RYR3: variants seen among roughly 807,000 people sequenced by gnomAD.
RYR3 encodes brain ryanodine receptor-calcium release channel.
Under a neutral mutation model 584.3 loss-of-function variants are expected in RYR3, and 207 were observed. That is an observed-to-expected ratio of 0.35 (90% confidence interval 0.32 to 0.40). The LOEUF (loss-of-function observed/expected upper bound fraction) is 0.40, where lower values mean the gene tolerates loss of function less well. Among genes scored for constraint, RYR3 ranks in the 10% least tolerant of loss-of-function variants. The pLI, the probability that RYR3 is intolerant of heterozygous loss-of-function variation, is 1.00. For synonymous variants in RYR3, 2,416 were observed against 2,248.5 expected (o/e 1.07, Z -2.11); for missense variants, 5,616 against 6,089.2 (o/e 0.92, Z 2.59).
chr15:33,861,065 TTA>T lies in RYR3; in HGVS notation c.14365-11_14365-10del. 9 of 1,562,476 alleles carry T rather than the reference TTA, an allele frequency of 5.8e-6. No homozygotes were observed. Among genetic ancestry groups the T allele is most frequent in the Non-Finnish European group, 7.8e-6 (9 of 1,148,758 alleles). On this transcript the variant is annotated splice_polypyrimidine_tract_variant and intron_variant, in intron 101 of 103. Coordinates refer to ENST00000634891, the MANE Select transcript of RYR3 (RefSeq NM_001036.6). ...TGCCAACAAATGCCTTTTCTGCCTGTTATTTTTCTTAGACTAAATGTTTCATC... is the reference window on the plus strand; with the variant it reads ...TGCCAACAAATGCCTTTTCTGCCTGTTTTTTCTTAGACTAAATGTTTCATC...
intron 39 of RYR3, among the ~76,000 whole-genome samples, chr15:33,697,497 T>C (rs1189398751): frequency 3.3e-5 from 5 of 152,238 alleles, no homozygotes; most frequent in African/African-American, 9.6e-5. Context: ...AGCTTTACTC[T>C]GTGAATTTAT....
chr15:33,435,213 C>G (rs948597015), intron 1 of RYR3, among the ~76,000 whole-genome samples: 1 of 152,126 alleles, frequency 6.6e-6, no homozygotes, highest in Non-Finnish European at 1.5e-5. Context: ...TTTCATCACC[C>G]AGGTATTAAG....
chr15:33,357,862 C>T (rs1396401783), intron 1 of RYR3, among the ~76,000 whole-genome samples: 1 of 152,166 alleles, frequency 6.6e-6, no homozygotes, highest in African/African-American at 2.4e-5. Flanking sequence ...GGTTCTTTTA[C>T]ACGGAAGTAT....
intron 1 of RYR3, among the ~76,000 whole-genome samples, chr15:33,402,342 C>T (rs537601207): frequency 2.0e-5 from 3 of 152,238 alleles, no homozygotes; most frequent in East Asian, 1.9e-4. Flanking sequence ...ACAGCTGAAG[C>T]GGCATGGTTA....
intron 43 of RYR3, among the ~76,000 whole-genome samples, chr15:33,720,191 A>G (rs556945048): frequency 1.3e-5 from 2 of 152,358 alleles, no homozygotes; most frequent in Non-Finnish European, 2.9e-5. Flanking sequence ...GATTTTGCCC[A>G]CAGTGCAAAA....
intron 1 of RYR3, among the ~76,000 whole-genome samples, chr15:33,356,084 ATT>A (rs1199613916): frequency 3.3e-5 from 5 of 152,094 alleles, no homozygotes; most frequent in African/African-American, 1.2e-4. Flanking sequence ...GTGAGTATAG[ATT>A]TGTGAATCAT....
chr15:33,346,554 G>C (rs16969851), intron 1 of RYR3, among the ~76,000 whole-genome samples: 12,747 of 152,222 alleles, frequency 0.084, 656 homozygotes, highest in African/African-American at 0.13. Flanking sequence ...CAGAGAAATA[G>C]TTCAAATATT....
At chr15:33,405,427 C>A (rs565243437) in intron 1 of RYR3, among the ~76,000 whole-genome samples, 1 of 152,146 alleles carries the variant, frequency 6.6e-6, no homozygotes, top group Non-Finnish European at 1.5e-5. Flanking sequence ...CTGCTAGCAC[C>A]TGGGACTATG....
At chr15:33,785,362 T>C (rs1191481588) in intron 65 of RYR3, among the ~76,000 whole-genome samples, 2 of 152,202 alleles carry the variant, frequency 1.3e-5, no homozygotes, top group Non-Finnish European at 2.9e-5. Flanking sequence ...GAGACTGGCT[T>C]CATCGCAGGA....
chr15:33,551,936 G>A lies in RYR3; in HGVS notation c.972+1620G>A, dbSNP rs896418421. On this transcript the variant is annotated intron_variant, in intron 10 of 103. Transcript: ENST00000634891. ...CATGGAGTGGGAGCTGAAGGTGGGCGGCAGTAGAAGAGGGAGGTGGAAAAT... is the reference window on the plus strand; with the variant it reads ...CATGGAGTGGGAGCTGAAGGTGGGCAGCAGTAGAAGAGGGAGGTGGAAAAT... Among the ~76,000 whole-genome samples, 5 of 152,268 alleles carry A rather than the reference G, an allele frequency of 3.3e-5. 1 individual carries two copies. Among genetic ancestry groups the A allele is most frequent in the African/African-American group, 7.2e-5 (3 of 41,548 alleles).
At chr15:33,324,412 C>T (rs1032678015) in intron 1 of RYR3, among the ~76,000 whole-genome samples, 3 of 152,140 alleles carry the variant, frequency 2.0e-5, no homozygotes, top group African/African-American at 7.2e-5. Context: ...ACTAATGTCG[C>T]CATTTTTATC....
intron 48 of RYR3, among the ~76,000 whole-genome samples, chr15:33,733,092 A>C (rs4779639): frequency 0.4 from 60,479 of 152,152 alleles, 12,569 homozygotes; most frequent in Admixed American, 0.49. Flanking sequence ...AACACTGACA[A>C]CACCAAATGC....
At chr15:33,848,057 C>A (rs996323229) in intron 93 of RYR3, among the ~76,000 whole-genome samples, 2 of 152,156 alleles carry the variant, frequency 1.3e-5, no homozygotes, top group African/African-American at 2.4e-5. Flanking sequence ...TTAATATTAG[C>A]CATCTAACTG....
intron 10 of RYR3, 79 bp from the exon 11 acceptor site, chr15:33,562,758 A>T (rs955414971): frequency 1.3e-5 from 14 of 1,044,942 alleles, no homozygotes; most frequent in Non-Finnish European, 2.0e-5. Context: ...CAGGTTCTTC[A>T]TAGGTGATTC....
At chr15:33,705,236 CAAAAT>C (rs915706454) in intron 42 of RYR3, among the ~76,000 whole-genome samples, 47 of 152,014 alleles carry the variant, frequency 3.1e-4, no homozygotes, top group African/African-American at 1.0e-3. Flanking sequence ...ATTTTAAAGA[CAAAAT>C]CAAATCTGAA....
chr15:33,837,493 C>T, intron 88 of RYR3, 138 bp from the exon 89 acceptor site: 2 of 908,378 alleles, frequency 2.2e-6, no homozygotes, highest in Non-Finnish European at 3.2e-6. Flanking sequence ...TGGCTTGCTG[C>T]TCCCTCCTAC....
chr15:33,578,416 A>C (rs2058411032), intron 12 of RYR3, among the ~76,000 whole-genome samples: 1 of 152,244 alleles, frequency 6.6e-6, no homozygotes, highest in South Asian at 2.1e-4. Context: ...ACCATGGAAT[A>C]CTATGCACCC....
At chr15:33,393,998 T>C (rs1352254704) in intron 1 of RYR3, among the ~76,000 whole-genome samples, 2 of 152,232 alleles carry the variant, frequency 1.3e-5, no homozygotes, top group African/African-American at 4.8e-5. Flanking sequence ...ACAATTTTCC[T>C]ATGGTCATCC....
chr15:33,559,067 C>T (rs1189812325), intron 10 of RYR3, among the ~76,000 whole-genome samples: 1 of 152,058 alleles, frequency 6.6e-6, no homozygotes, highest in South Asian at 2.1e-4. Context: ...GGAGATTAGT[C>T]TAGGGGAATG....
Sources: allele counts gnomAD v4.1 joint callset (sites outside exome capture counted in the v4.1 genomes callset), GRCh38; gene constraint gnomAD v4.1.1; transcripts MANE v1.5; gene names NCBI Gene and HGNC (gene_info 2026-07-23, HGNC 2026-07-21).